NTM: variants seen among roughly 807,000 people sequenced by gnomAD.
NTM encodes neurotrimin, also known as IgLON family member 2.
Under a neutral mutation model 42.1 loss-of-function variants are expected in NTM, and 13 were observed. The observed-to-expected ratio is 0.31, with a 90% CI of 0.20 to 0.49. The LOEUF (loss-of-function observed/expected upper bound fraction) is 0.49. Ranked by LOEUF, NTM falls within the 20% of genes least tolerant of loss-of-function variation. The probability of loss-of-function intolerance (pLI) is 0.99; values close to 1 mark genes in which losing one functional copy is unlikely to be tolerated. For synonymous variants in NTM, 187 were observed against 179.2 expected (o/e 1.04, Z -0.35); for missense variants, 373 against 452.8 (o/e 0.82, Z 1.60).
At chr11:131,711,094 C>A (rs1471866086) in intron 1 of NTM, among the ~76,000 whole-genome samples, 1 of 152,036 alleles carries the variant, frequency 6.6e-6, no homozygotes, top group African/African-American at 2.4e-5. Context: ...TCTAAAACAC[C>A]AAAAGCAATG....
intron 2 of NTM, among the ~76,000 whole-genome samples, chr11:132,035,622 T>C (rs2076415114): frequency 2.6e-5 from 4 of 152,146 alleles, no homozygotes; most frequent in African/African-American, 9.7e-5. Flanking sequence ...TATTGGGCTA[T>C]TGGCATGTGT....
chr11:131,672,924 G>A (rs1215518106), intron 1 of NTM, among the ~76,000 whole-genome samples: 1 of 80,906 alleles, frequency 1.2e-5, no homozygotes, highest in Non-Finnish European at 2.3e-5. Context: ...TGGGGGTGGG[G>A]TGTGACCGTG....
chr11:132,127,460 C>A (rs1277010069), intron 2 of NTM, among the ~76,000 whole-genome samples: 1 of 152,222 alleles, frequency 6.6e-6, no homozygotes, highest in Non-Finnish European at 1.5e-5. Flanking sequence ...GATGGGGAGG[C>A]CTGAGCCCTC....
At chr11:131,824,776 C>G (rs1054654624) in intron 1 of NTM, among the ~76,000 whole-genome samples, 2 of 151,986 alleles carry the variant, frequency 1.3e-5, no homozygotes, top group Non-Finnish European at 2.9e-5. Context: ...GGCTATGGAA[C>G]TGGGGAAAGA....
chr11:131,580,680 G>A (rs1362053430), intron 1 of NTM, among the ~76,000 whole-genome samples: 2 of 152,164 alleles, frequency 1.3e-5, no homozygotes, highest in Admixed American at 6.5e-5. Flanking sequence ...GGTTGCCCCT[G>A]ATCTCAAAGC....
chr11:132,072,755 C>T (rs535942643), intron 2 of NTM, among the ~76,000 whole-genome samples: 2 of 152,228 alleles, frequency 1.3e-5, no homozygotes, highest in South Asian at 4.1e-4. Flanking sequence ...CTGCCACCTC[C>T]CCGGGAGAGA....
intron 1 of NTM, among the ~76,000 whole-genome samples, chr11:131,469,570 G>A (rs1302120649): frequency 1.3e-5 from 2 of 152,158 alleles, no homozygotes; most frequent in Non-Finnish European, 2.9e-5. Flanking sequence ...GAGTTGCCTT[G>A]GGCGCTGCCT....
At chr11:131,980,897 G>T (rs1367034829) in intron 2 of NTM, among the ~76,000 whole-genome samples, 2 of 152,138 alleles carry the variant, frequency 1.3e-5, no homozygotes, top group Non-Finnish European at 1.5e-5. Flanking sequence ...TGCGATAGGG[G>T]TTCAAATCCG....
chr11:132,279,245 T>G (rs1419638324), intron 4 of NTM, among the ~76,000 whole-genome samples: 1 of 152,238 alleles, frequency 6.6e-6, no homozygotes. Flanking sequence ...ATTCTGTCCA[T>G]TTCCACAGCC....
chr11:132,218,561 T>C (rs546380830), intron 4 of NTM, among the ~76,000 whole-genome samples: 1 of 152,290 alleles, frequency 6.6e-6, no homozygotes, highest in East Asian at 1.9e-4. Context: ...GCAGGCTCTC[T>C]ACCTAGGGTA....
intron 1 of NTM, among the ~76,000 whole-genome samples, chr11:131,769,873 C>T (rs1016228123): frequency 3.3e-5 from 5 of 152,228 alleles, no homozygotes; most frequent in African/African-American, 1.2e-4. Flanking sequence ...AGGATGACAA[C>T]ATCAGCTTTG....
At chr11:131,515,210 C>A (rs548925688) in intron 1 of NTM, among the ~76,000 whole-genome samples, 1 of 152,296 alleles carries the variant, frequency 6.6e-6, no homozygotes, top group East Asian at 1.9e-4. Context: ...CCACTGCACA[C>A]GGTGAGTGTT....
chr11:131,668,250 C>A lies in NTM; in HGVS notation c.83-243314C>A, dbSNP rs538486827. On this transcript the variant is annotated intron_variant, in intron 1 of 8. Coordinates refer to ENST00000683400, the MANE Select transcript of NTM (RefSeq NM_001352005.2). Reference sequence around the variant, plus strand: ...CATATATGTGTGCATGTATATCTACCTCTATCTATCTATCTATCTATCTAT... The same window carrying A: ...CATATATGTGTGCATGTATATCTACATCTATCTATCTATCTATCTATCTAT... Among the ~76,000 whole-genome samples, 14 of 147,794 alleles carry A rather than the reference C, an allele frequency of 9.5e-5. No homozygotes were observed. In the South Asian group the frequency reaches 2.0e-3, roughly 21 times the overall value.
chr11:131,923,485 C>G (rs138952772), intron 2 of NTM, among the ~76,000 whole-genome samples: 1 of 151,954 alleles, frequency 6.6e-6, no homozygotes, highest in African/African-American at 2.4e-5. Flanking sequence ...CGTGAGCTGG[C>G]GTGTTTGTTT....
intron 2 of NTM, among the ~76,000 whole-genome samples, chr11:131,990,066 C>T (rs560104158): frequency 5.9e-4 from 90 of 152,194 alleles, no homozygotes; most frequent in Non-Finnish European, 1.0e-3. Flanking sequence ...AGGAATCAGT[C>T]TTATTGATTT....
At chr11:131,539,557 G>GT (rs1223408591) in intron 1 of NTM, 2 of 152,280 alleles carry the variant, frequency 1.3e-5, no homozygotes, top group Non-Finnish European at 2.9e-5. Flanking sequence ...AGATAGTGCC[G>GT]TGATGGCCAG....
intron 3 of NTM, among the ~76,000 whole-genome samples, chr11:132,154,835 T>C (rs770174262): frequency 8.5e-5 from 13 of 152,256 alleles, no homozygotes; most frequent in African/African-American, 2.4e-4. Context: ...TGAAATCTAA[T>C]TGGCTTCCGC....
chr11:131,574,656 T>G (rs903697218), intron 1 of NTM, among the ~76,000 whole-genome samples: 1 of 151,926 alleles, frequency 6.6e-6, no homozygotes, highest in Non-Finnish European at 1.5e-5. Context: ...CTACAGTCAA[T>G]GCCAGTCCCA....
intron 1 of NTM, among the ~76,000 whole-genome samples, chr11:131,528,094 T>G (rs2050757129): frequency 6.6e-6 from 1 of 152,228 alleles, no homozygotes; most frequent in African/African-American, 2.4e-5. Flanking sequence ...CCTGGAAGAC[T>G]TCTGGTCCCA....
Sources: gnomAD v4.1 joint callset for allele counts (sites outside exome capture counted in the v4.1 genomes callset) on GRCh38, gnomAD v4.1.1 for gene constraint, MANE v1.5 for transcripts, NCBI Gene and HGNC (gene_info 2026-07-23, HGNC 2026-07-21) for gene names.